Variants in NCAPG2 observed in about 807,000 individuals in gnomAD.
NCAPG2 encodes the protein non-SMC condensin II complex subunit G2.
NCAPG2 carries 53 observed loss-of-function variants against 141.1 expected under a neutral mutation model. The ratio of observed to expected loss-of-function variants is 0.38; its 90% CI spans 0.30 to 0.47. The LOEUF is 0.47. NCAPG2 is among the 20% of genes least tolerant of loss of function. NCAPG2 has a pLI of 0.99. For missense variants in NCAPG2, 1,087 were observed against 1,389.0 expected (o/e 0.78, Z 3.46); for synonymous variants, 499 against 490.7 (o/e 1.02, Z -0.22).
At chr7:158,635,612 C>A (rs747081320) in intron 27 of NCAPG2, among the ~76,000 whole-genome samples, 5 of 152,138 alleles carry the variant, frequency 3.3e-5, no homozygotes, top group Admixed American at 6.5e-5. Flanking sequence ...TGCACCAGTG[C>A]ATGGGCAAAT....
Position 158,693,352 on chromosome 7 carries a change from G to C in NCAPG2, c.224C>G (p.Ala75Gly). ...SPVDGWQVVE[A>G]QGEDNMETEH... ...GGTTTCCATATTGTCTTCACCCTGG[G>C]CTTCCACTACCTGCCACCCATCCAC... The change falls in exon 3 of 28, where the codon GCC becomes GGC. Residue 75 changes from alanine (A) to glycine (G), a missense_variant. Ala to Gly is a moderately conservative substitution (Grantham distance 60). Coordinates refer to ENST00000356309, the MANE Select transcript of NCAPG2 (RefSeq NM_017760.7). 6.2e-7 allele frequency: 1 copy of C among 1,614,008 alleles called. No homozygotes were observed. The highest frequency in any genetic ancestry group is 8.5e-7 in the Non-Finnish European group (1 of 1,179,984).
In NCAPG2 at chr7:158,701,890, G is replaced by A. The variant is rs746908102; in HGVS notation, c.10C>T (p.Arg4Cys). 26 of 1,612,806 alleles carry A rather than the reference G, an allele frequency of 1.6e-5. No homozygotes were observed. The highest frequency in any genetic ancestry group is 8.0e-5 in the African/African-American group (6 of 74,818). MEK[R>C]ETFVQAVSKE... ...GACACGGCTTGTACAAACGTCTCAC[G>A]TTTTTCCATGACAGATGGCACTGTT... Residue 4 changes from arginine (R) to cysteine (C), a missense_variant, in exon 2 of 28, where the codon CGT becomes TGT. Arg to Cys is a radical substitution (Grantham distance 180). Transcript: ENST00000356309.
chr7:158,703,900 T>G (rs183260951), intron 1 of NCAPG2, among the ~76,000 whole-genome samples: 2 of 141,490 alleles, frequency 1.4e-5, no homozygotes, highest in South Asian at 4.6e-4. Context: ...GGGCAGTGCC[T>G]ACACCCAGGG....
intron 16 of NCAPG2, among the ~76,000 whole-genome samples, chr7:158,659,643 G>A (rs902755202): frequency 6.6e-6 from 1 of 152,058 alleles, no homozygotes; most frequent in Admixed American, 6.5e-5. Context: ...CTCAATAAGA[G>A]ATATTCTTGG....
Position 158,660,894 on chromosome 7 carries a change from G to A in NCAPG2, c.1989+1300C>T, listed in dbSNP as rs118109895. 1.1e-4 allele frequency among the ~76,000 whole-genome samples: 16 copies of A among 152,220 alleles called. No homozygotes were observed. In the East Asian group the frequency reaches 3.1e-3, roughly 29 times the overall value. ...TATGGTAGTAAGTCTCACGAGATCTGATGGTTCTCTAAGGGGTTTCCCTTT... is the reference window on the plus strand; with the variant it reads ...TATGGTAGTAAGTCTCACGAGATCTAATGGTTCTCTAAGGGGTTTCCCTTT... On this transcript the variant is annotated intron_variant, in intron 16 of 27. Transcript: ENST00000356309.
chr7:158,639,243 G>A (rs1022842344), intron 27 of NCAPG2, among the ~76,000 whole-genome samples: 1 of 152,058 alleles, frequency 6.6e-6, no homozygotes, highest in Non-Finnish European at 1.5e-5. Context: ...GGGTAGCTGG[G>A]ACCACAGGTG....
At chr7:158,672,316 ATATATATATATATTTTTTTT>A (rs1833772454) in intron 12 of NCAPG2, among the ~76,000 whole-genome samples, 2 of 35,752 alleles carry the variant, frequency 5.6e-5, no homozygotes, top group Admixed American at 3.7e-4. Flanking sequence ...ATATATATAT[ATATATATATATATTTTTTTT>A]TTTTTTTTTT....
chr7:158,637,004 G>C (rs924509582), intron 27 of NCAPG2, among the ~76,000 whole-genome samples: 9 of 151,316 alleles, frequency 5.9e-5, no homozygotes, highest in Admixed American at 5.9e-4. Context: ...CTGGAATGCA[G>C]TGGTGTGATC....
At chr7:158,648,527 C>CAAATGGACGACAACCACGG (rs1831207545) in intron 24 of NCAPG2, among the ~76,000 whole-genome samples, 1 of 141,698 alleles carries the variant, frequency 7.1e-6, no homozygotes, top group East Asian at 2.3e-4. Context: ...TATAACCACG[C>CAAATGGACGACAACCACGG]CAAATGGACG....
chr7:158,639,929 G>T, intron 27 of NCAPG2: 1 of 773,164 alleles, frequency 1.3e-6, no homozygotes, highest in Non-Finnish European at 1.6e-6. Flanking sequence ...TGAGACAACT[G>T]TAAAAGGTGT....
chr7:158,660,473 G>A (rs73165322), intron 16 of NCAPG2, among the ~76,000 whole-genome samples: 7,680 of 143,308 alleles, frequency 0.054, 279 homozygotes, highest in Admixed American at 0.088. Flanking sequence ...TGGAGTGAGT[G>A]CAGTAGTATG....
chr7:158,671,637 C>T lies in NCAPG2; in HGVS notation c.1356G>A (p.Leu452=). Reference sequence around the variant, plus strand: ...GGAGCTGCTCTAACAATGGGTGGCTCAGTTTGTTGTCCAAAATCATTGGCA... The same window carrying T: ...GGAGCTGCTCTAACAATGGGTGGCTTAGTTTGTTGTCCAAAATCATTGGCA... The part of the protein sequence containing the change: ...KCLPMILDNK[L]SHPLLEQLLP... The change falls in exon 13 of 28, where the codon CTG becomes CTA. Residue 452 remains leucine, a synonymous_variant. Coordinates refer to ENST00000356309, the MANE Select transcript of NCAPG2 (RefSeq NM_017760.7). The T allele has an allele frequency of 3.1e-6, 5 of 1,614,142 alleles. No individual in the cohort carries two copies. Among genetic ancestry groups the T allele is most frequent in the Non-Finnish European group, 4.2e-6 (5 of 1,180,034 alleles).
At chr7:158,685,990 T>C (rs1314700019) in intron 8 of NCAPG2, among the ~76,000 whole-genome samples, 182 bp downstream of exon 8, 1 of 152,238 alleles carries the variant, frequency 6.6e-6, no homozygotes, top group African/African-American at 2.4e-5. Flanking sequence ...AGCACAGTCC[T>C]ACCTCCCACA....
At chr7:158,666,308 C>T (rs964450787) in intron 13 of NCAPG2, among the ~76,000 whole-genome samples, 3 of 152,160 alleles carry the variant, frequency 2.0e-5, no homozygotes, top group Non-Finnish European at 2.9e-5. Context: ...CCAGCCCCAA[C>T]GGGTGGTTAC....
Position 158,643,307 on chromosome 7 carries a change from C to T in NCAPG2, c.3380+982G>A, listed in dbSNP as rs369247392. On this transcript the variant is annotated intron_variant, in intron 27 of 27. Transcript: ENST00000356309. ...TGTTGGCCAGGCTGGTCTCAAACTC[C>T]TAGCCTCCTGAGATCCGCCTGCCTT... is the stretch of plus-strand genomic sequence containing the variant. Among the ~76,000 whole-genome samples the T allele has an allele frequency of 2.5e-4, 38 of 152,300 alleles. No individual in the cohort carries two copies. The South Asian group carries it at 5.8e-3, about 23-fold the overall frequency.
Position 158,671,501 on chromosome 7 carries a change from C to T in NCAPG2, c.1479+13G>A. The T allele has an allele frequency of 6.2e-7, 1 of 1,613,964 alleles. No individual in the cohort carries two copies. The highest frequency in any genetic ancestry group is 8.5e-7 in the Non-Finnish European group (1 of 1,179,946). On this transcript the variant is annotated intron_variant, in intron 13 of 27. Transcript: ENST00000356309. ...ATTTCATGTCATAAGTAAAAAAGCC[C>T]TATTCATCCTACCTTAGCAGCCCTC...
chr7:158,700,803 C>A (rs1835731107), intron 2 of NCAPG2, among the ~76,000 whole-genome samples: 1 of 152,168 alleles, frequency 6.6e-6, no homozygotes, highest in Non-Finnish European at 1.5e-5. Flanking sequence ...ACAAGTGAGA[C>A]AAGTGTGCCA....
chr7:158,673,143 G>C (rs139010660), intron 12 of NCAPG2, among the ~76,000 whole-genome samples: 30 of 152,322 alleles, frequency 2.0e-4, no homozygotes, highest in African/African-American at 6.7e-4. Context: ...GGAAAGACAG[G>C]ACTTGGGTGA....
intron 23 of NCAPG2, 92 bp from the exon 24 acceptor site, chr7:158,651,064 C>A: frequency 7.6e-7 from 1 of 1,317,044 alleles, no homozygotes; most frequent in Non-Finnish European, 1.0e-6. Flanking sequence ...TTCTTACTAT[C>A]CTCCCCCAGG....
Sources: gnomAD v4.1 joint callset for allele counts (sites outside exome capture counted in the v4.1 genomes callset) on GRCh38, gnomAD v4.1.1 for gene constraint, MANE v1.5 for transcripts, NCBI Gene and HGNC (gene_info 2026-07-23, HGNC 2026-07-21) for gene names.